The following FYB1 variants were observed in gnomAD, a reference collection of about 807,000 sequenced individuals.
FYB1 encodes FYN-binding protein 1.
FYB1 carries 41 observed loss-of-function variants against 94.1 expected under a neutral mutation model. That is an observed-to-expected ratio of 0.44 (90% CI 0.34 to 0.57). The LOEUF (loss-of-function observed/expected upper bound fraction) is 0.57, where lower values mean the gene tolerates loss of function less well. Among genes scored for constraint, FYB1 ranks in the 20% least tolerant of loss-of-function variants. The pLI is 0.02. For missense variants in FYB1, 1,050 were observed against 976.8 expected (o/e 1.07, Z -1.00); for synonymous variants, 367 against 353.2 (o/e 1.04, Z -0.44).
At chr5:39,215,546 C>A (rs1749793040) in intron 1 of FYB1, among the ~76,000 whole-genome samples, 1 of 152,160 alleles carries the variant, frequency 6.6e-6, no homozygotes, top group South Asian at 2.1e-4. Flanking sequence ...CTCACCAGCC[C>A]AGCCAGCCAG....
At chr5:39,134,776 C>A in intron 8 of FYB1, 79 bp downstream of exon 8, 1 of 1,477,880 alleles carries the variant, frequency 6.8e-7, no homozygotes, top group South Asian at 1.2e-5. Context: ...ATGCCTATGA[C>A]GAGTTCTGGA....
intron 1 of FYB1, among the ~76,000 whole-genome samples, chr5:39,226,461 AC>A (rs1436752539): frequency 6.6e-6 from 1 of 151,892 alleles, no homozygotes; most frequent in Non-Finnish European, 1.5e-5. Flanking sequence ...AGAGCTTACT[AC>A]CTCTTCACTT....
intron 3 of FYB1, among the ~76,000 whole-genome samples, chr5:39,151,629 C>T (rs755848532): frequency 6.6e-6 from 1 of 152,192 alleles, no homozygotes; most frequent in Non-Finnish European, 1.5e-5. Context: ...TTGGTCCCTG[C>T]TTTGCAGGGG....
intron 14 of FYB1, among the ~76,000 whole-genome samples, chr5:39,120,503 A>G (rs919726008): frequency 6.6e-6 from 1 of 152,208 alleles, no homozygotes; most frequent in African/African-American, 2.4e-5. Flanking sequence ...CTCTTGCCCA[A>G]TTCCTGGACA....
At chr5:39,257,986 G>A (rs996728503) in intron 1 of FYB1, among the ~76,000 whole-genome samples, 3 of 152,180 alleles carry the variant, frequency 2.0e-5, no homozygotes, top group African/African-American at 2.4e-5. Context: ...AAACTTGAGC[G>A]TGCATCAGAA....
chr5:39,270,445 C>T, intron 1 of FYB1: 1 of 850,398 alleles, frequency 1.2e-6, no homozygotes, highest in South Asian at 2.0e-5. Context: ...AAAAAGTGGC[C>T]AAGCAAAATC....
chr5:39,106,444 T>G lies in FYB1; in HGVS notation c.*999A>C, dbSNP rs1205675286. 6.6e-6 allele frequency: 1 copy of G among 152,126 alleles called. No individual in the cohort carries two copies. Among genetic ancestry groups the G allele is most frequent in the Non-Finnish European group, 1.5e-5 (1 of 68,000 alleles). 9.4% of individuals were successfully genotyped at this position (152,126 alleles called of 1,614,324 possible). A position where few individuals can be genotyped will look rare whatever the true frequency, so the allele number is the denominator to read the frequency against. On this transcript the variant is annotated 3_prime_UTR_variant, in exon 19 of 19. Coordinates refer to ENST00000512982, the MANE Select transcript of FYB1 (RefSeq NM_001465.6). ...TTTTGGATTGCTTTGGGAATGAGTA[T>G]GTACTGTTAGAGAAGGGCCCAATCC...
chr5:39,113,339 T>G (rs906578951), intron 16 of FYB1, among the ~76,000 whole-genome samples: 1 of 152,284 alleles, frequency 6.6e-6, no homozygotes, highest in Middle Eastern at 3.4e-3. Flanking sequence ...TGTTTAGCGC[T>G]GTAATATTGT....
chr5:39,244,904 C>T (rs986459184), intron 1 of FYB1, among the ~76,000 whole-genome samples: 3 of 152,100 alleles, frequency 2.0e-5, no homozygotes, highest in Admixed American at 2.0e-4. Flanking sequence ...TCCATTTCTT[C>T]TAGGTTTTCT....
At chr5:39,183,985 A>G (rs1010106875) in intron 2 of FYB1, among the ~76,000 whole-genome samples, 13 of 152,220 alleles carry the variant, frequency 8.5e-5, no homozygotes, top group African/African-American at 2.7e-4. Context: ...AGGAAATTTT[A>G]TAATAGGTAT....
At chr5:39,229,967 C>T (rs1306070305) in intron 1 of FYB1, among the ~76,000 whole-genome samples, 1 of 152,140 alleles carries the variant, frequency 6.6e-6, no homozygotes, top group Non-Finnish European at 1.5e-5. Flanking sequence ...CTTCAGAGCT[C>T]TCAGATGATT....
At chr5:39,211,783 A>G (rs762424865) in intron 1 of FYB1, among the ~76,000 whole-genome samples, 8 of 152,196 alleles carry the variant, frequency 5.3e-5, no homozygotes, top group Non-Finnish European at 1.2e-4. Context: ...CACTCCCAAC[A>G]AACACGAAAA....
At chr5:39,117,071 T>C (rs182256228) in intron 16 of FYB1, among the ~76,000 whole-genome samples, 189 of 152,206 alleles carry the variant, frequency 1.2e-3, no homozygotes, top group African/African-American at 4.5e-3. Flanking sequence ...ACTAGGACAA[T>C]TCTCTCTTGT....
In FYB1 at chr5:39,116,393, T is replaced by C. The variant is rs565403180; in HGVS notation, c.2401+2481A>G. 1.9e-3 allele frequency among the ~76,000 whole-genome samples: 295 copies of C among 152,322 alleles called. 2 individuals are homozygous for C. The highest frequency in any genetic ancestry group is 6.8e-3 in the African/African-American group (281 of 41,578). On this transcript the variant is annotated intron_variant, in intron 16 of 18. Transcript: ENST00000512982. ...TGGAAACTGTAAAGTGCATTGGTAC[T>C]GCAGCAGAAAGAAAAAAGATATTTA...
chr5:39,194,047 A>G (rs1252443060), intron 2 of FYB1, among the ~76,000 whole-genome samples: 1 of 152,196 alleles, frequency 6.6e-6, no homozygotes, highest in African/African-American at 2.4e-5. Context: ...TACTGATAAA[A>G]TGATTGACAC....
intron 2 of FYB1, among the ~76,000 whole-genome samples, chr5:39,162,749 C>A (rs916732508): frequency 6.6e-6 from 1 of 150,648 alleles, no homozygotes; most frequent in Non-Finnish European, 1.5e-5. Context: ...TGGGAGAATA[C>A]CTGTTTTACC....
At chr5:39,182,458 C>T (rs548553331) in intron 2 of FYB1, among the ~76,000 whole-genome samples, 10 of 152,068 alleles carry the variant, frequency 6.6e-5, no homozygotes, top group African/African-American at 2.2e-4. Context: ...TTTATTTAGA[C>T]CTGAGGTCTA....
upstream of FYB1, among the ~76,000 whole-genome samples, chr5:39,223,251 T>C (rs1750344836): frequency 6.6e-6 from 1 of 152,326 alleles, no homozygotes; most frequent in South Asian, 2.1e-4. Context: ...GTAAGACTTT[T>C]AAGACACCGT....
At chr5:39,227,380 G>A (rs1288907843) in intron 1 of FYB1, among the ~76,000 whole-genome samples, 2 of 152,296 alleles carry the variant, frequency 1.3e-5, no homozygotes, top group Middle Eastern at 3.4e-3. Flanking sequence ...GGTTAAACTA[G>A]AGAATGTTCG....
Sources: allele counts gnomAD v4.1 joint callset (sites outside exome capture counted in the v4.1 genomes callset), GRCh38; gene constraint gnomAD v4.1.1; transcripts MANE v1.5; gene names NCBI Gene and HGNC (gene_info 2026-07-23, HGNC 2026-07-21).